PRSS23: variants seen among roughly 807,000 people sequenced by gnomAD.
PRSS23 encodes the protein serine protease 23.
PRSS23 carries 25 observed loss-of-function variants against 34.7 expected under a neutral mutation model. That is an observed-to-expected ratio of 0.72 (90% CI 0.53 to 1.01). PRSS23 has a LOEUF of 1.01. Among genes scored for constraint, PRSS23 ranks in the 50% least tolerant of loss-of-function variants. PRSS23 has a pLI of 0.00. For synonymous variants in PRSS23, 176 were observed against 186.6 expected (o/e 0.94, Z 0.46); for missense variants, 445 against 475.6 (o/e 0.94, Z 0.60).
intron 2 of PRSS23, among the ~76,000 whole-genome samples, chr11:86,850,764 A>G (rs534162641): frequency 1.5e-4 from 23 of 152,300 alleles, no homozygotes; most frequent in African/African-American, 5.3e-4. Context: ...GTCCTGTAAG[A>G]TCCTGTCTCC....
intron 1 of PRSS23, among the ~76,000 whole-genome samples, chr11:86,817,048 A>C (rs996065101): frequency 1.3e-5 from 2 of 152,200 alleles, no homozygotes. Flanking sequence ...GGACATTTAT[A>C]GTTGCGATCA....
At chr11:86,916,529 C>G (rs769563100) in intron 2 of PRSS23, among the ~76,000 whole-genome samples, 6 of 152,212 alleles carry the variant, frequency 3.9e-5, no homozygotes, top group East Asian at 1.9e-4. Flanking sequence ...GTGCCTCATA[C>G]TGACAGGAAG....
chr11:86,847,052 T>C (rs1480952811), intron 2 of PRSS23, among the ~76,000 whole-genome samples: 1 of 152,132 alleles, frequency 6.6e-6, no homozygotes, highest in East Asian at 1.9e-4. Context: ...CATTTAATAA[T>C]TGGTATTGGA....
chr11:86,827,033 T>A (rs1396373568), intron 2 of PRSS23, among the ~76,000 whole-genome samples: 4 of 152,196 alleles, frequency 2.6e-5, no homozygotes, highest in Admixed American at 6.5e-5. Context: ...GGATTCCCTC[T>A]TTTTCTATTG....
intron 2 of PRSS23, among the ~76,000 whole-genome samples, chr11:86,944,397 T>C (rs1949226577): frequency 1.3e-5 from 2 of 152,112 alleles, no homozygotes; most frequent in South Asian, 4.1e-4. Flanking sequence ...GGGTTAAGAT[T>C]AGAGGGACAC....
chr11:86,888,781 G>A (rs1443199605), intron 2 of PRSS23, among the ~76,000 whole-genome samples: 1 of 152,216 alleles, frequency 6.6e-6, no homozygotes, highest in Non-Finnish European at 1.5e-5. Flanking sequence ...TTGAAACTGA[G>A]AAGGTAACTT....
intron 2 of PRSS23, chr11:86,941,133 T>C (rs561217827): frequency 6.6e-6 from 1 of 152,250 alleles, no homozygotes; most frequent in Non-Finnish European, 1.5e-5. Context: ...ACTTCTCTCT[T>C]TTTCTTCTTC....
intron 2 of PRSS23, among the ~76,000 whole-genome samples, chr11:86,895,477 C>T (rs1220732177): frequency 2.3e-5 from 2 of 86,622 alleles, no homozygotes; most frequent in Admixed American, 1.8e-4. Context: ...TTATTTTATC[C>T]TTTTTTTTTT....
At chr11:86,796,843 A>G (rs1947984642), upstream of PRSS23, among the ~76,000 whole-genome samples, 1 of 152,094 alleles carries the variant, frequency 6.6e-6, no homozygotes. Flanking sequence ...CAGTGAGGTA[A>G]TGTCCAGATT....
Position 86,843,824 on chromosome 11 carries a change from A to G in PRSS23, c.206+20231A>G, listed in dbSNP as rs140257697. ...ACTTTCACATGTTAGTGGGAGTGTA[A>G]GTTAGTTCAACCATTGTGGAAGACA... On this transcript the variant is annotated intron_variant, in intron 2 of 2. Transcript: ENST00000533902. Among the ~76,000 whole-genome samples, 679 of 152,378 alleles carry G rather than the reference A, an allele frequency of 4.5e-3. 3 individuals carry two copies. Among genetic ancestry groups the G allele is most frequent in the Non-Finnish European group, 6.6e-3 (448 of 68,036 alleles).
chr11:86,925,293 G>GGA (rs1283026835), intron 2 of PRSS23, among the ~76,000 whole-genome samples: 2 of 103,882 alleles, frequency 1.9e-5, no homozygotes, highest in African/African-American at 3.7e-5. Flanking sequence ...CTGTTTAACT[G>GGA]GAGTGTGTGT....
chr11:86,938,156 C>T (rs1949176921), intron 2 of PRSS23, among the ~76,000 whole-genome samples: 1 of 152,192 alleles, frequency 6.6e-6, no homozygotes, highest in Non-Finnish European at 1.5e-5. Flanking sequence ...GAACATTTGT[C>T]GAGCACCCGA....
rs1166559174 is a variant in PRSS23 at position 86,808,767 on chromosome 11, G to A, written c.1124G>A (p.Gly375Glu). The change falls in exon 2 of 2, where the codon GGA (glycine) becomes GAA (glutamate). Residue 375 changes from glycine (G) to glutamate (E), a missense_variant. Transcript: ENST00000280258. ...GCCCAGATTTGCTATTGGATTAAAG[G>A]AAACTACCTGGATTGTAGGGAGGGG... is the stretch of plus-strand genomic sequence containing the variant. ...KYAQICYWIK[G>E]NYLDCREG The A allele has an allele frequency of 1.2e-6, 2 of 1,612,578 alleles. No homozygotes were observed. The highest frequency in any genetic ancestry group is 2.7e-5 in the African/African-American group (2 of 74,910).
At chr11:86,821,793 C>T (rs781551506) in intron 1 of PRSS23, 44 of 879,502 alleles carry the variant, frequency 5.0e-5, no homozygotes, top group East Asian at 7.6e-5. Context: ...CGCCTCAGCA[C>T]GCTGCCCCCT....
At chr11:86,924,237 G>A (rs1455308364) in intron 2 of PRSS23, among the ~76,000 whole-genome samples, 2 of 152,102 alleles carry the variant, frequency 1.3e-5, no homozygotes, top group Admixed American at 1.3e-4. Context: ...CAGAAAGGTC[G>A]GCACCTGAGA....
intron 2 of PRSS23, among the ~76,000 whole-genome samples, chr11:86,825,700 A>G (rs1470903091): frequency 7.6e-4 from 116 of 151,798 alleles, no homozygotes; most frequent in African/African-American, 2.2e-3. Context: ...TCTACATATG[A>G]CTAGCCAGTT....
Position 86,817,728 on chromosome 11 carries a change from G to A in PRSS23, c.-11-5649G>A, listed in dbSNP as rs994666907. Among the ~76,000 whole-genome samples the A allele has an allele frequency of 2.0e-5, 3 of 152,190 alleles. No individual in the cohort carries two copies. The South Asian group carries it at 6.2e-4, about 32-fold the overall frequency. Reference sequence around the variant, plus strand: ...GGCAAGTATCAGATCATTCATTTATGAAACCAACAAGCATGTATTGAGTAC... The same window carrying A: ...GGCAAGTATCAGATCATTCATTTATAAAACCAACAAGCATGTATTGAGTAC... On this transcript the variant is annotated intron_variant, in intron 1 of 2. Coordinates refer to the PRSS23 transcript ENST00000533902.
chr11:86,938,933 C>T, intron 2 of PRSS23: 1 of 398,108 alleles, frequency 2.5e-6, no homozygotes, highest in Non-Finnish European at 5.0e-6. Flanking sequence ...CCATGCTTCT[C>T]CATTAAAAGA....
intron 2 of PRSS23, among the ~76,000 whole-genome samples, chr11:86,861,971 T>C (rs1223325359): frequency 6.6e-6 from 1 of 151,858 alleles, no homozygotes; most frequent in East Asian, 1.9e-4. Flanking sequence ...GTTGTGATAA[T>C]GTTTGCAATA....
Sources: allele counts gnomAD v4.1 joint callset (sites outside exome capture counted in the v4.1 genomes callset), GRCh38; gene constraint gnomAD v4.1.1; transcripts MANE v1.5; gene names NCBI Gene and HGNC (gene_info 2026-07-23, HGNC 2026-07-21).